The following KHDC1 variants were observed in gnomAD, a reference collection of about 807,000 sequenced individuals.
KHDC1 encodes KH domain containing 1.
A neutral mutation model predicts 24.7 loss-of-function variants in KHDC1; 21 were observed. That is an observed-to-expected ratio of 0.85 (90% CI 0.60 to 1.23). KHDC1 has a LOEUF of 1.23. KHDC1 is among the 50% of genes most tolerant of loss of function. KHDC1 has a pLI of 0.00. For synonymous variants in KHDC1, 98 were observed against 111.7 expected, an observed-to-expected ratio of 0.88 and a Z score of 0.77; for missense variants, 274 against 298.5, an observed-to-expected ratio of 0.92 and a Z score of 0.61.
intron 2 of KHDC1, chr6:73,263,075 C>T: frequency 3.6e-6 from 2 of 551,900 alleles, no homozygotes; most frequent in Non-Finnish European, 4.6e-6. Flanking sequence ...GCGGCAGCGG[C>T]GGCAGCGGCT....
At chr6:73,266,300 C>T (rs933241565) in intron 2 of KHDC1, among the ~76,000 whole-genome samples, 2 of 152,202 alleles carry the variant, frequency 1.3e-5, no homozygotes, top group Non-Finnish European at 2.9e-5. Flanking sequence ...AAATAACCAA[C>T]ATTTGTTGAG....
intron 2 of KHDC1, among the ~76,000 whole-genome samples, chr6:73,251,805 T>C (rs1766781796): frequency 1.3e-5 from 2 of 151,362 alleles, no homozygotes; most frequent in Admixed American, 1.3e-4. Flanking sequence ...TTTTCTTTTT[T>C]TTTTTTTAAT....
At chr6:73,251,578 A>G (rs1289455414) in intron 2 of KHDC1, among the ~76,000 whole-genome samples, 1 of 152,194 alleles carries the variant, frequency 6.6e-6, no homozygotes, top group African/African-American at 2.4e-5. Flanking sequence ...ATTTTTAAGT[A>G]TCACTGTCTG....
At chr6:73,287,113 CAAG>C (rs1767537529) in intron 2 of KHDC1, among the ~76,000 whole-genome samples, 1 of 152,132 alleles carries the variant, frequency 6.6e-6, no homozygotes, top group African/African-American at 2.4e-5. Context: ...GGAAAATCCA[CAAG>C]AGGACCCAGA....
In KHDC1 at chr6:73,307,437, A is replaced by AAATT. The variant is rs573118068; in HGVS notation, c.163+2111_163+2114dup. Among the ~76,000 whole-genome samples the AAATT allele has an allele frequency of 6.6e-5, 10 of 152,256 alleles. No homozygotes were observed. In the South Asian group the frequency reaches 8.3e-4, roughly 13 times the overall value. ...AGACCCTGTCTCACAATAAATAAAT[A>AAATT]AATTAATTAATTAATTAAATAAAAT... On this transcript the variant is annotated intron_variant, in intron 1 of 4. Coordinates refer to ENST00000370384, the Ensembl canonical transcript of KHDC1.
At chr6:73,251,901 G>A (rs1394927922) in intron 2 of KHDC1, among the ~76,000 whole-genome samples, 2 of 150,684 alleles carry the variant, frequency 1.3e-5, no homozygotes, top group South Asian at 2.1e-4. Context: ...GGGCTCATTC[G>A]ATCCTCCCAT....
intron 2 of KHDC1, 67 bp downstream of exon 1, chr6:73,262,707 C>T: frequency 3.1e-6 from 3 of 983,338 alleles, no homozygotes; most frequent in Non-Finnish European, 3.6e-6. Context: ...AGCTCACTTT[C>T]CTTATCTGTA....
At chr6:73,265,222 G>T (rs536489647) in intron 2 of KHDC1, among the ~76,000 whole-genome samples, 1 of 152,104 alleles carries the variant, frequency 6.6e-6, no homozygotes, top group Non-Finnish European at 1.5e-5. Flanking sequence ...CCCAGAAACC[G>T]CAAAACAATT....
At chr6:73,256,997 T>TA (rs1180510801) in intron 2 of KHDC1, among the ~76,000 whole-genome samples, 1 of 152,104 alleles carries the variant, frequency 6.6e-6, no homozygotes, top group East Asian at 1.9e-4. Context: ...TAATATATAT[T>TA]AAAAGGCATG....
chr6:73,293,193 G>A, intron 1 of KHDC1: 1 of 708,436 alleles, frequency 1.4e-6, no homozygotes, highest in South Asian at 1.4e-5. Context: ...GCTAGATTTT[G>A]GCCATGAATA....
chr6:73,250,213 G>C (rs1766752957), intron 2 of KHDC1, among the ~76,000 whole-genome samples: 1 of 152,132 alleles, frequency 6.6e-6, no homozygotes, highest in Non-Finnish European at 1.5e-5. Flanking sequence ...ACCCTGTTTA[G>C]TGCTGATGGA....
intron 2 of KHDC1, among the ~76,000 whole-genome samples, chr6:73,290,106 CAA>C (rs140342387): frequency 2.3e-5 from 2 of 86,476 alleles, no homozygotes; most frequent in African/African-American, 1.0e-4. Context: ...GACTCCGTCT[CAA>C]AAAAAAAAAA....
At chr6:73,306,594 A>T (rs1232092204) in intron 1 of KHDC1, among the ~76,000 whole-genome samples, 1 of 151,448 alleles carries the variant, frequency 6.6e-6, no homozygotes, top group African/African-American at 2.4e-5. Flanking sequence ...GAGCTATTTC[A>T]TGCCCTCATC....
chr6:73,309,519 G>T, intron 1 of KHDC1: 3 of 1,488,766 alleles, frequency 2.0e-6, no homozygotes, highest in Non-Finnish European at 2.7e-6. Context: ...GGTGAAGGAA[G>T]CTTTTCCTAC....
intron 2 of KHDC1, among the ~76,000 whole-genome samples, chr6:73,285,649 C>CTTTTTTT (rs539979246): frequency 6.2e-5 from 8 of 130,068 alleles, no homozygotes; most frequent in East Asian, 2.6e-4. Flanking sequence ...TCTTTTTTTT[C>CTTTTTTT]TTTTTTTTTT....
chr6:73,292,427 G>C (rs1432047350), intron 1 of KHDC1: 10 of 776,294 alleles, frequency 1.3e-5, no homozygotes, highest in Non-Finnish European at 2.2e-5. Context: ...TTTTTTCAGA[G>C]TGTTGGTTCC....
At chr6:73,268,565 G>A (rs571828741) in intron 2 of KHDC1, 4 of 152,168 alleles carry the variant, frequency 2.6e-5, no homozygotes, top group Non-Finnish European at 5.9e-5. Flanking sequence ...GGCGCTGAAT[G>A]GTGCGTTTAC....
At chr6:73,258,439 T>C (rs929071250) in intron 2 of KHDC1, among the ~76,000 whole-genome samples, 28 of 151,678 alleles carry the variant, frequency 1.8e-4, no homozygotes, top group African/African-American at 6.5e-4. Flanking sequence ...AGAGACCCTG[T>C]CTCAAAAAAG....
At chr6:73,247,655 T>C (rs1224907955) in intron 2 of KHDC1, among the ~76,000 whole-genome samples, 6 of 151,816 alleles carry the variant, frequency 4.0e-5, no homozygotes, top group Non-Finnish European at 8.8e-5. Context: ...CAGGAGTTCA[T>C]AGACCAGCCT....
Sources: allele counts gnomAD v4.1 joint callset (sites outside exome capture counted in the v4.1 genomes callset), GRCh38; gene constraint gnomAD v4.1.1; transcripts MANE v1.5; gene names NCBI Gene and HGNC (gene_info 2026-07-23, HGNC 2026-07-21).